Variants in CELF4 observed in about 807,000 individuals in gnomAD.
CELF4 encodes CUG-BP- and ETR-3-like factor 4.
Under a neutral mutation model 59.9 loss-of-function variants are expected in CELF4, and 18 were observed. The observed-to-expected ratio is 0.30, with a 90% CI of 0.21 to 0.45. CELF4 has a LOEUF of 0.45. CELF4 is among the 20% of genes least tolerant of loss of function. CELF4 has a pLI of 1.00. For missense variants in CELF4, 456 were observed against 689.0 expected, an observed-to-expected ratio of 0.66 and a Z score of 3.79; for synonymous variants, 261 against 267.1, an observed-to-expected ratio of 0.98 and a Z score of 0.22.
chr18:37,387,799 T>C (rs945143224), intron 2 of CELF4, among the ~76,000 whole-genome samples: 2 of 152,196 alleles, frequency 1.3e-5, no homozygotes, highest in Non-Finnish European at 2.9e-5. Flanking sequence ...GTAATCCCAG[T>C]AGATCTTGGT....
chr18:37,475,144 T>A (rs571465841), intron 2 of CELF4, among the ~76,000 whole-genome samples: 15 of 152,342 alleles, frequency 9.8e-5, no homozygotes, highest in African/African-American at 3.4e-4. Flanking sequence ...ATTTCCTCTC[T>A]TCCTTGTCTC....
chr18:37,259,381 A>T, intron 10 of CELF4, 117 bp from the exon 11 acceptor site: 1 of 368,988 alleles, frequency 2.7e-6, no homozygotes, highest in Non-Finnish European at 5.1e-6. Context: ...GGGCAAGGTT[A>T]GGAGGGGGAG....
chr18:37,427,395 G>T (rs184344373), intron 2 of CELF4, among the ~76,000 whole-genome samples: 10 of 152,228 alleles, frequency 6.6e-5, no homozygotes, highest in African/African-American at 2.4e-4. Flanking sequence ...CTCTCCCCAG[G>T]GCTGCATGGG....
chr18:37,342,031 C>CGTGTGT (rs917401734), intron 2 of CELF4, among the ~76,000 whole-genome samples: 40 of 151,614 alleles, frequency 2.6e-4, no homozygotes, highest in African/African-American at 8.7e-4. Context: ...TGTGTGTGTG[C>CGTGTGT]GTGTGTGTGT....
intron 1 of CELF4, among the ~76,000 whole-genome samples, chr18:37,502,545 G>A (rs2099932983): frequency 6.6e-6 from 1 of 152,250 alleles, no homozygotes; most frequent in Non-Finnish European, 1.5e-5. Flanking sequence ...CCAGGAGAAA[G>A]GCTCAGGCCT....
intron 1 of CELF4, among the ~76,000 whole-genome samples, chr18:37,513,791 C>T (rs1175358271): frequency 2.0e-5 from 3 of 152,144 alleles, no homozygotes; most frequent in Non-Finnish European, 4.4e-5. Flanking sequence ...CCGCAGTGCT[C>T]CCTCCTCTAT....
chr18:37,361,913 C>T (rs1157883080), intron 2 of CELF4, among the ~76,000 whole-genome samples: 1 of 151,990 alleles, frequency 6.6e-6, no homozygotes, highest in Non-Finnish European at 1.5e-5. Flanking sequence ...AAGAGAAAGG[C>T]AGGAGGGAAG....
At chr18:37,446,294 T>C (rs556502161) in intron 2 of CELF4, among the ~76,000 whole-genome samples, 1 of 152,292 alleles carries the variant, frequency 6.6e-6, no homozygotes, top group East Asian at 1.9e-4. Flanking sequence ...CCTTGTATTG[T>C]AGGCCAGGGG....
In CELF4 at chr18:37,381,766, T is replaced by C. The variant is rs116790573; in HGVS notation, c.370-59885A>G. Among the ~76,000 whole-genome samples, 648 of 152,294 alleles carry C rather than the reference T, an allele frequency of 4.3e-3. 10 individuals carry two copies. Among genetic ancestry groups the C allele is most frequent in the African/African-American group, 0.015 (615 of 41,548 alleles). On this transcript the variant is annotated intron_variant, in intron 2 of 12. Coordinates refer to ENST00000420428, the MANE Select transcript of CELF4 (RefSeq NM_020180.4). ...CTCTGGGTCAAGGCTCAGATTCCTGTCAGCCCCAGCTCTCCCTCTGGCTTG... is the reference window on the plus strand; with the variant it reads ...CTCTGGGTCAAGGCTCAGATTCCTGCCAGCCCCAGCTCTCCCTCTGGCTTG...
At chr18:37,349,097 T>A (rs112923446) in intron 2 of CELF4, among the ~76,000 whole-genome samples, 1 of 152,148 alleles carries the variant, frequency 6.6e-6, no homozygotes, top group Non-Finnish European at 1.5e-5. Flanking sequence ...CTGGGAAAAG[T>A]CAGGGATGAA....
intron 1 of CELF4, among the ~76,000 whole-genome samples, chr18:37,532,519 A>T (rs2099970375): frequency 1.3e-5 from 2 of 152,328 alleles, no homozygotes; most frequent in Admixed American, 1.3e-4. Context: ...AGAAATGATG[A>T]TAGCCTCTTT....
At chr18:37,441,405 G>A (rs1436651411) in intron 2 of CELF4, among the ~76,000 whole-genome samples, 1 of 152,080 alleles carries the variant, frequency 6.6e-6, no homozygotes. Flanking sequence ...GCAGACAGAT[G>A]CCGGATATGT....
chr18:37,369,859 T>C (rs879708831), intron 2 of CELF4, among the ~76,000 whole-genome samples: 1 of 152,232 alleles, frequency 6.6e-6, no homozygotes, highest in Non-Finnish European at 1.5e-5. Flanking sequence ...CCAAGAGATA[T>C]TGCCCAGGAA....
At chr18:37,487,945 T>C (rs548931427) in intron 1 of CELF4, among the ~76,000 whole-genome samples, 37 of 152,290 alleles carry the variant, frequency 2.4e-4, no homozygotes, top group African/African-American at 8.7e-4. Flanking sequence ...CCTCCAGACC[T>C]TGGGTGACCT....
chr18:37,334,936 G>A (rs1268695847), intron 2 of CELF4, among the ~76,000 whole-genome samples: 3 of 152,028 alleles, frequency 2.0e-5, no homozygotes, highest in Non-Finnish European at 4.4e-5. Context: ...AAATGGCACC[G>A]ACATTTGCTT....
chr18:37,318,762 C>A (rs2096966172), intron 3 of CELF4, among the ~76,000 whole-genome samples: 1 of 152,016 alleles, frequency 6.6e-6, no homozygotes, highest in African/African-American at 2.4e-5. Context: ...AGAGCTATTG[C>A]CTCTGAGGCA....
chr18:37,312,225 A>G (rs1347512569), intron 3 of CELF4, among the ~76,000 whole-genome samples: 1 of 149,352 alleles, frequency 6.7e-6, no homozygotes, highest in African/African-American at 2.5e-5. Flanking sequence ...ATGGCTGGAA[A>G]TGCTAAAGCA....
At chr18:37,541,864 C>T (rs989272634) in intron 1 of CELF4, among the ~76,000 whole-genome samples, 8 of 152,096 alleles carry the variant, frequency 5.3e-5, no homozygotes, top group South Asian at 2.1e-4. Context: ...ACGTATACAG[C>T]GGCCCCAGTC....
intron 1 of CELF4, among the ~76,000 whole-genome samples, chr18:37,537,237 A>G (rs1371453250): frequency 6.6e-6 from 1 of 152,092 alleles, no homozygotes; most frequent in East Asian, 1.9e-4. Flanking sequence ...GCCCAAACCA[A>G]ACATAGGCTG....
Sources: allele counts gnomAD v4.1 joint callset (sites outside exome capture counted in the v4.1 genomes callset), GRCh38; gene constraint gnomAD v4.1.1; transcripts MANE v1.5; gene names NCBI Gene and HGNC (gene_info 2026-07-23, HGNC 2026-07-21).